Variants in SLC22A23 observed in about 807,000 individuals in gnomAD.
SLC22A23 encodes the protein solute carrier family 22 member 23.
Under a neutral mutation model 61.0 loss-of-function variants are expected in SLC22A23, and 26 were observed. That is an observed-to-expected ratio of 0.43 (90% CI 0.31 to 0.59). The LOEUF is 0.59. SLC22A23 is among the 20% of genes least tolerant of loss of function. The pLI is 0.11. For missense variants in SLC22A23, 796 were observed against 934.7 expected, an observed-to-expected ratio of 0.85 and a Z score of 1.94; for synonymous variants, 430 against 413.9, an observed-to-expected ratio of 1.04 and a Z score of -0.47.
intron 1 of SLC22A23, among the ~76,000 whole-genome samples, chr6:3,452,677 G>T (rs1023748303): frequency 9.5e-6 from 1 of 105,784 alleles, no homozygotes; most frequent in Non-Finnish European, 1.9e-5. Context: ...CTTAATCAAA[G>T]AAAATAATGT....
At chr6:3,343,661 A>T (rs1391686818) in intron 3 of SLC22A23, among the ~76,000 whole-genome samples, 1 of 152,196 alleles carries the variant, frequency 6.6e-6, no homozygotes, top group Non-Finnish European at 1.5e-5. Flanking sequence ...CAGCCGGCCA[A>T]ATGTCGAAAG....
chr6:3,320,187 G>A (rs1357892288), intron 4 of SLC22A23, among the ~76,000 whole-genome samples: 1 of 152,270 alleles, frequency 6.6e-6, no homozygotes, highest in South Asian at 2.1e-4. Flanking sequence ...TTCCCTCCTT[G>A]GTTTGACACC....
At chr6:3,288,288 T>C (rs1760241571) in intron 6 of SLC22A23, among the ~76,000 whole-genome samples, 1 of 152,174 alleles carries the variant, frequency 6.6e-6, no homozygotes, top group African/African-American at 2.4e-5. Flanking sequence ...CCAAACACCC[T>C]TTCGTGCTTC....
chr6:3,346,008 G>A (rs962955256), intron 3 of SLC22A23, among the ~76,000 whole-genome samples: 9 of 152,062 alleles, frequency 5.9e-5, no homozygotes, highest in Non-Finnish European at 1.2e-4. Context: ...TGGTACACAC[G>A]CTTGCTGTCA....
intron 4 of SLC22A23, among the ~76,000 whole-genome samples, chr6:3,310,429 C>CAAGCACCCTGTCTCCCAGG (rs754682639): frequency 7.1e-6 from 1 of 140,880 alleles, no homozygotes; most frequent in African/African-American, 2.8e-5. Context: ...GTCTCCCACT[C>CAAGCACCCTGTCTCCCAGG]GAGCACCCTG....
At position 3,419,534 on chromosome 6, in the gene SLC22A23, G is replaced by T. The variant is rs890503067; in HGVS notation, c.655-3679C>A. On this transcript the variant is annotated intron_variant, in intron 1 of 9. Coordinates refer to ENST00000406686, the MANE Select transcript of SLC22A23 (RefSeq NM_015482.2). ...TGAGTTAGGAAGAGAGTTCAGAGGG[G>T]AGGAAGGGAGGCATCCATTTTGCTG... Among the ~76,000 whole-genome samples the T allele has an allele frequency of 6.6e-5, 10 of 152,354 alleles. No homozygotes were observed. The East Asian group carries it at 1.5e-3, about 24-fold the overall frequency.
chr6:3,301,841 A>G (rs951003143), intron 4 of SLC22A23, among the ~76,000 whole-genome samples: 1 of 152,224 alleles, frequency 6.6e-6, no homozygotes, highest in African/African-American at 2.4e-5. Flanking sequence ...CTCACTATAC[A>G]CAGTTTTGAA....
At chr6:3,417,286 G>C (rs529561513) in intron 1 of SLC22A23, among the ~76,000 whole-genome samples, 3 of 152,308 alleles carry the variant, frequency 2.0e-5, no homozygotes, top group African/African-American at 7.2e-5. Flanking sequence ...CCAGAGGTCT[G>C]AGGAGGGTGA....
At chr6:3,389,268 C>CAAAAAAA (rs61020784) in intron 3 of SLC22A23, among the ~76,000 whole-genome samples, 4 of 32,596 alleles carry the variant, frequency 1.2e-4, no homozygotes, top group African/African-American at 1.6e-4. Context: ...AACTCTGTCT[C>CAAAAAAA]AAAAAAAAAA....
At position 3,409,562 on chromosome 6, in the gene SLC22A23, C is replaced by T. The variant is rs142111833; in HGVS notation, c.913+626G>A. ...AGCCAGTAAATAAGTAAAATAACCA[C>T]GCCTAAAACTCTTCTTCTCCTTATG... On this transcript the variant is annotated intron_variant, in intron 3 of 9. Coordinates refer to ENST00000406686, the MANE Select transcript of SLC22A23 (RefSeq NM_015482.2). Among the ~76,000 whole-genome samples the T allele has an allele frequency of 5.9e-5, 9 of 152,274 alleles. No homozygotes were observed. In the South Asian group the frequency reaches 6.2e-4, roughly 11 times the overall value.
At chr6:3,316,712 A>C (rs540975635) in intron 4 of SLC22A23, among the ~76,000 whole-genome samples, 1 of 152,328 alleles carries the variant, frequency 6.6e-6, no homozygotes, top group Non-Finnish European at 1.5e-5. Flanking sequence ...ATCATAGTTC[A>C]CTGCAGCCTT....
chr6:3,305,452 A>G (rs1761908490), intron 4 of SLC22A23, among the ~76,000 whole-genome samples: 1 of 152,172 alleles, frequency 6.6e-6, no homozygotes, highest in Non-Finnish European at 1.5e-5. Flanking sequence ...CTTAAGTTTT[A>G]TGACGCGCTC....
intron 1 of SLC22A23, among the ~76,000 whole-genome samples, chr6:3,437,189 A>C (rs971495224): frequency 6.6e-5 from 10 of 151,758 alleles, no homozygotes; most frequent in Non-Finnish European, 1.5e-5. Context: ...CAAACGAGAA[A>C]TGAATTAAAC....
chr6:3,301,711 G>T (rs956671572), intron 4 of SLC22A23, among the ~76,000 whole-genome samples: 4 of 152,204 alleles, frequency 2.6e-5, no homozygotes, highest in Non-Finnish European at 4.4e-5. Context: ...TGGTGTGAAC[G>T]AGCAGGGCAG....
chr6:3,404,008 C>T (rs1012996589), intron 3 of SLC22A23, among the ~76,000 whole-genome samples: 2 of 152,130 alleles, frequency 1.3e-5, no homozygotes, highest in Non-Finnish European at 2.9e-5. Flanking sequence ...TTTTCAGTTC[C>T]CCTTTTAGAG....
In SLC22A23 at chr6:3,402,481, A is replaced by AC. The variant is rs370892696; in HGVS notation, c.913+7706dup. On this transcript the variant is annotated intron_variant, in intron 3 of 9. Transcript: ENST00000406686. ...TAGCTAAGCCCTAATCACCCACACT[A>AC]CCCAGAGTGCACTAGGCCCCAGCCA... 7.8e-3 allele frequency among the ~76,000 whole-genome samples: 1,170 copies of AC among 149,290 alleles called. 19 individuals carry two copies. Among genetic ancestry groups the AC allele is most frequent in the African/African-American group, 0.028 (1,113 of 40,204 alleles).
At chr6:3,362,894 G>C (rs1389504804) in intron 3 of SLC22A23, among the ~76,000 whole-genome samples, 3 of 152,186 alleles carry the variant, frequency 2.0e-5, no homozygotes, top group Non-Finnish European at 4.4e-5. Flanking sequence ...GCCAGCTTTT[G>C]CCATGACCAC....
intron 5 of SLC22A23, chr6:3,290,184 CTT>C (rs1760449982): frequency 2.4e-6 from 1 of 420,318 alleles, no homozygotes; most frequent in African/African-American, 2.0e-5. Context: ...ACTCAGTTCA[CTT>C]TTGTCTGAGT....
chr6:3,395,869 A>G (rs1222582513), intron 3 of SLC22A23, among the ~76,000 whole-genome samples: 2 of 152,236 alleles, frequency 1.3e-5, no homozygotes, highest in South Asian at 2.1e-4. Context: ...TGTCCATCAC[A>G]TGGAACTCCT....
Sources: allele counts gnomAD v4.1 joint callset (sites outside exome capture counted in the v4.1 genomes callset), GRCh38; gene constraint gnomAD v4.1.1; transcripts MANE v1.5; gene names NCBI Gene and HGNC (gene_info 2026-07-23, HGNC 2026-07-21).